The following TSPAN9 variants were observed in gnomAD, a reference collection of about 807,000 sequenced individuals.
TSPAN9 encodes tetraspanin 9, also known as tetraspanin-9.
In TSPAN9, 16 loss-of-function variants were observed where a neutral mutation model predicts 31.0. The observed-to-expected ratio is 0.52, with a 90% CI of 0.35 to 0.78. The LOEUF is 0.78. Among genes scored for constraint, TSPAN9 ranks in the 30% least tolerant of loss-of-function variants. TSPAN9 has a pLI of 0.01. For synonymous variants in TSPAN9, 145 were observed against 121.6 expected, an observed-to-expected ratio of 1.19 and a Z score of -1.27; for missense variants, 272 against 312.5, an observed-to-expected ratio of 0.87 and a Z score of 0.98.
At chr12:3,155,207 T>G (rs1225380274) in intron 2 of TSPAN9, among the ~76,000 whole-genome samples, 1 of 152,104 alleles carries the variant, frequency 6.6e-6, no homozygotes, top group African/African-American at 2.4e-5. Context: ...GTATTAAAGG[T>G]AGGGTGTTAT....
At chr12:3,146,042 G>A (rs529099983) in intron 2 of TSPAN9, among the ~76,000 whole-genome samples, 2 of 152,366 alleles carry the variant, frequency 1.3e-5, no homozygotes, top group Admixed American at 6.5e-5. Flanking sequence ...ACAGGCACGA[G>A]GACGCTTTCC....
At chr12:3,254,653 A>G (rs2153978456) in intron 3 of TSPAN9, among the ~76,000 whole-genome samples, 1 of 152,240 alleles carries the variant, frequency 6.6e-6, no homozygotes, top group South Asian at 2.1e-4. Flanking sequence ...TTGTGTATTA[A>G]CTTATTTTTG....
intron 2 of TSPAN9, among the ~76,000 whole-genome samples, chr12:3,162,906 T>G (rs1166430999): frequency 2.0e-5 from 3 of 151,604 alleles, no homozygotes; most frequent in Admixed American, 6.6e-5. Flanking sequence ...TTGGAGAGAG[T>G]GTCAAGGTAG....
intron 3 of TSPAN9, among the ~76,000 whole-genome samples, chr12:3,252,977 G>A (rs1187185806): frequency 1.3e-5 from 2 of 152,158 alleles, no homozygotes; most frequent in Non-Finnish European, 2.9e-5. Flanking sequence ...AGGCCTGGTT[G>A]TCATGCCCTC....
intron 2 of TSPAN9, among the ~76,000 whole-genome samples, chr12:3,105,758 GCA>G (rs1183534674): frequency 2.1e-4 from 20 of 94,584 alleles, no homozygotes; most frequent in East Asian, 4.5e-4. Context: ...TCACACACAC[GCA>G]CACACGCGCA....
chr12:3,217,079 C>T (rs1485013640), intron 3 of TSPAN9, among the ~76,000 whole-genome samples: 1 of 152,244 alleles, frequency 6.6e-6, no homozygotes, highest in African/African-American at 2.4e-5. Flanking sequence ...GTTTAATTTA[C>T]TGGAGTTATT....
intron 2 of TSPAN9, among the ~76,000 whole-genome samples, chr12:3,127,491 G>A (rs2098327884): frequency 6.6e-6 from 1 of 151,970 alleles, no homozygotes; most frequent in Non-Finnish European, 1.5e-5. Flanking sequence ...GAGCAGCTGG[G>A]ACTACAGGCG....
chr12:3,262,514 C>T (rs933598515), intron 3 of TSPAN9, among the ~76,000 whole-genome samples: 2 of 151,910 alleles, frequency 1.3e-5, no homozygotes, highest in African/African-American at 4.8e-5. Flanking sequence ...CTCGGTGCCT[C>T]TTGCCAGCTC....
chr12:3,207,016 A>G (rs2098375617), intron 3 of TSPAN9, among the ~76,000 whole-genome samples: 1 of 152,100 alleles, frequency 6.6e-6, no homozygotes, highest in Admixed American at 6.5e-5. Context: ...CACCTGCTGG[A>G]CACATGCAAT....
At chr12:3,083,288 G>T (rs1375449289) in intron 1 of TSPAN9, among the ~76,000 whole-genome samples, 1 of 152,210 alleles carries the variant, frequency 6.6e-6, no homozygotes, top group East Asian at 1.9e-4. Flanking sequence ...TGGGTCACTT[G>T]TGAGTGGCCA....
At chr12:3,232,474 C>T (rs900147666) in intron 3 of TSPAN9, among the ~76,000 whole-genome samples, 7 of 152,186 alleles carry the variant, frequency 4.6e-5, no homozygotes, top group Admixed American at 2.0e-4. Flanking sequence ...TGATGCTTTC[C>T]GTCTCCTGCC....
At chr12:3,198,349 CGT>C (rs149662545) in intron 2 of TSPAN9, among the ~76,000 whole-genome samples, 2,448 of 39,552 alleles carry the variant, frequency 0.062, 59 homozygotes, top group South Asian at 0.089. Flanking sequence ...CACAGCTCAC[CGT>C]ACCAGCACAG....
chr12:3,125,230 A>G (rs975612464), intron 2 of TSPAN9, among the ~76,000 whole-genome samples: 4 of 151,018 alleles, frequency 2.6e-5, no homozygotes, highest in Non-Finnish European at 4.4e-5. Flanking sequence ...TTTTTATGTT[A>G]TGTACTTGCT....
chr12:3,129,852 C>T (rs1484093869), intron 2 of TSPAN9, among the ~76,000 whole-genome samples: 1 of 152,136 alleles, frequency 6.6e-6, no homozygotes, highest in Non-Finnish European at 1.5e-5. Flanking sequence ...CCAGCTGTCC[C>T]TCGGGGAAGC....
chr12:3,248,796 G>A (rs1411883289), intron 3 of TSPAN9, among the ~76,000 whole-genome samples: 1 of 152,230 alleles, frequency 6.6e-6, no homozygotes, highest in Middle Eastern at 3.4e-3. Flanking sequence ...GCTACATCTG[G>A]TGTCTCCATA....
chr12:3,218,498 T>C (rs976111116), intron 3 of TSPAN9, among the ~76,000 whole-genome samples: 11 of 152,244 alleles, frequency 7.2e-5, no homozygotes, highest in African/African-American at 1.2e-4. Context: ...CCAGGACTTC[T>C]CACCTGGCCT....
rs866107703 is a variant in TSPAN9, at chr12:3,226,809, T to C, written c.63+25553T>C. Reference sequence around the variant, plus strand: ...ATATATATATATTTTTTTTTTTTTTTCCCTCTTCGAACTCCTGGGCTCAAG... The same window carrying C: ...ATATATATATATTTTTTTTTTTTTTCCCCTCTTCGAACTCCTGGGCTCAAG... On this transcript the variant is annotated intron_variant, in intron 3 of 8. Coordinates refer to ENST00000011898, the MANE Select transcript of TSPAN9 (RefSeq NM_006675.5). Among the ~76,000 whole-genome samples, 364 of 100,732 alleles carry C rather than the reference T, an allele frequency of 3.6e-3. 20 individuals are homozygous for C. The highest frequency in any genetic ancestry group is 0.013 in the African/African-American group (338 of 25,650). 66.1% of individuals were successfully genotyped at this position (100,732 alleles called of 152,430 possible).
chr12:3,273,525 A>G (rs753346872), intron 3 of TSPAN9, among the ~76,000 whole-genome samples: 3 of 152,184 alleles, frequency 2.0e-5, no homozygotes, highest in Non-Finnish European at 2.9e-5. Context: ...GGGCTAGATT[A>G]TAGCTCAGTC....
At chr12:3,210,858 A>G (rs1306478641) in intron 3 of TSPAN9, among the ~76,000 whole-genome samples, 1 of 150,918 alleles carries the variant, frequency 6.6e-6, no homozygotes, top group African/African-American at 2.4e-5. Context: ...TGATCCTTCC[A>G]TACCAGCCTC....
Sources: gnomAD v4.1 joint callset for allele counts (sites outside exome capture counted in the v4.1 genomes callset) on GRCh38, gnomAD v4.1.1 for gene constraint, MANE v1.5 for transcripts, NCBI Gene and HGNC (gene_info 2026-07-23, HGNC 2026-07-21) for gene names.